The following LRRC4C variants were observed in gnomAD, a reference collection of about 807,000 sequenced individuals.
LRRC4C encodes the protein leucine rich repeat containing 4C, also known as leucine-rich repeat-containing protein 4C.
A neutral mutation model predicts 33.6 loss-of-function variants in LRRC4C; 5 were observed. The observed-to-expected ratio is 0.15, with a 90% confidence interval of 0.08 to 0.31. LRRC4C has a LOEUF of 0.31. Among genes scored for constraint, LRRC4C ranks in the 10% least tolerant of loss-of-function variants. LRRC4C has a pLI of 1.00. For synonymous variants in LRRC4C, 329 were observed against 302.0 expected (o/e 1.09, Z -0.93); for missense variants, 560 against 796.7 (o/e 0.70, Z 3.58).
intron 2 of LRRC4C, among the ~76,000 whole-genome samples, chr11:40,717,358 A>G (rs1946782793): frequency 6.6e-6 from 1 of 151,972 alleles, no homozygotes; most frequent in African/African-American, 2.4e-5. Flanking sequence ...CAGAACTGGA[A>G]GTCAGTCCAA....
At chr11:41,249,162 G>A (rs1440932421) in intron 1 of LRRC4C, among the ~76,000 whole-genome samples, 2 of 151,774 alleles carry the variant, frequency 1.3e-5, no homozygotes, top group African/African-American at 4.8e-5. Context: ...AGCCTCCCGA[G>A]TACCTGGGAC....
At chr11:40,828,716 T>C (rs1035594563) in intron 2 of LRRC4C, among the ~76,000 whole-genome samples, 1 of 150,900 alleles carries the variant, frequency 6.6e-6, no homozygotes, top group African/African-American at 2.5e-5. Flanking sequence ...TCAAGCTGTT[T>C]ACCCTCTCTA....
chr11:41,236,565 A>T (rs1469853170), intron 1 of LRRC4C, among the ~76,000 whole-genome samples: 1 of 150,570 alleles, frequency 6.6e-6, no homozygotes, highest in South Asian at 2.1e-4. Context: ...TATTCCAGTC[A>T]TTATAATTGA....
intron 1 of LRRC4C, among the ~76,000 whole-genome samples, chr11:40,943,146 G>A (rs1958233960): frequency 6.6e-6 from 1 of 152,180 alleles, no homozygotes; most frequent in African/African-American, 2.4e-5. Context: ...GAGGTGATAT[G>A]TGTGAAGACT....
intron 4 of LRRC4C, among the ~76,000 whole-genome samples, chr11:40,269,522 G>C (rs1466980170): frequency 5.3e-5 from 8 of 152,030 alleles, no homozygotes; most frequent in African/African-American, 1.2e-4. Flanking sequence ...TAGGATCAAA[G>C]TCTATCTCAT....
At chr11:40,952,531 AAGCAATGCAAATGTAATATATTTC>A (rs1213069326) in intron 1 of LRRC4C, among the ~76,000 whole-genome samples, 1 of 151,956 alleles carries the variant, frequency 6.6e-6, no homozygotes, top group Non-Finnish European at 1.5e-5. Context: ...GCTATATTTG[AAGCAATGCAAATGTAATATATTTC>A]AGCAATGCAA....
intron 3 of LRRC4C, among the ~76,000 whole-genome samples, chr11:40,589,008 C>A (rs1958902927): frequency 6.6e-6 from 1 of 151,718 alleles, no homozygotes; most frequent in African/African-American, 2.4e-5. Flanking sequence ...TGGTGCAGAG[C>A]TGAGTTCAAT....
At chr11:40,503,500 A>T (rs1954879689) in intron 3 of LRRC4C, among the ~76,000 whole-genome samples, 1 of 152,188 alleles carries the variant, frequency 6.6e-6, no homozygotes, top group South Asian at 2.1e-4. Context: ...CCCTGAAGTA[A>T]TTTCACTATA....
intron 1 of LRRC4C, among the ~76,000 whole-genome samples, chr11:41,277,030 T>C (rs1949506514): frequency 2.0e-5 from 3 of 152,190 alleles, no homozygotes; most frequent in Admixed American, 2.0e-4. Flanking sequence ...CAAGAAACTA[T>C]CACAGATGTT....
intron 3 of LRRC4C, among the ~76,000 whole-genome samples, chr11:40,570,108 A>G (rs914588294): frequency 6.6e-6 from 1 of 152,088 alleles, no homozygotes; most frequent in Non-Finnish European, 1.5e-5. Context: ...GCATACATAT[A>G]AATAAATCTA....
chr11:40,324,221 A>G (rs1001391415), intron 3 of LRRC4C, among the ~76,000 whole-genome samples: 1 of 152,250 alleles, frequency 6.6e-6, no homozygotes, highest in South Asian at 2.1e-4. Context: ...AAAATCATGC[A>G]GATGCAGAAG....
intron 1 of LRRC4C, among the ~76,000 whole-genome samples, chr11:41,406,619 G>A (rs899367418): frequency 6.6e-6 from 1 of 151,058 alleles, no homozygotes; most frequent in Non-Finnish European, 1.5e-5. Context: ...GAAGAGTCCA[G>A]CCATCTCATA....
chr11:41,430,339 A>G (rs1158684489), intron 1 of LRRC4C, among the ~76,000 whole-genome samples: 1 of 152,130 alleles, frequency 6.6e-6, no homozygotes, highest in Non-Finnish European at 1.5e-5. Context: ...TGAAAATACT[A>G]TGCTTCTCCT....
intron 2 of LRRC4C, among the ~76,000 whole-genome samples, chr11:40,786,231 A>T (rs1950407017): frequency 6.6e-6 from 1 of 152,140 alleles, no homozygotes; most frequent in Non-Finnish European, 1.5e-5. Context: ...GCATGGCCTC[A>T]TGATGTGCAG....
At chr11:40,961,740 G>A (rs1850992581) in intron 1 of LRRC4C, among the ~76,000 whole-genome samples, 1 of 151,436 alleles carries the variant, frequency 6.6e-6, no homozygotes, top group African/African-American at 2.4e-5. Context: ...TTCTCTCAGG[G>A]TTTCTCCTTA....
intron 2 of LRRC4C, among the ~76,000 whole-genome samples, chr11:40,739,010 T>C (rs11036054): frequency 0.062 from 5,225 of 83,678 alleles, 302 homozygotes; most frequent in African/African-American, 0.2. Context: ...ATTGCTATTG[T>C]GTGTGTGTGT....
chr11:40,852,127 AG>A (rs1953537146), intron 2 of LRRC4C, among the ~76,000 whole-genome samples: 1 of 142,688 alleles, frequency 7.0e-6, no homozygotes, highest in Admixed American at 7.1e-5. Flanking sequence ...ATGCACTACT[AG>A]ATTTTTTTTT....
intron 2 of LRRC4C, among the ~76,000 whole-genome samples, chr11:40,931,454 T>C (rs1229931345): frequency 6.6e-6 from 1 of 152,194 alleles, no homozygotes; most frequent in Non-Finnish European, 1.5e-5. Context: ...AGAGTCTTAC[T>C]ATTTAACTCA....
At chr11:40,281,223 A>T (rs754553574) in intron 4 of LRRC4C, among the ~76,000 whole-genome samples, 1 of 151,420 alleles carries the variant, frequency 6.6e-6, no homozygotes, top group African/African-American at 2.4e-5. Flanking sequence ...TGTAGATGTT[A>T]ACTCTTTTAG....
Sources: allele counts gnomAD v4.1 joint callset (sites outside exome capture counted in the v4.1 genomes callset), GRCh38; gene constraint gnomAD v4.1.1; transcripts MANE v1.5; gene names NCBI Gene and HGNC (gene_info 2026-07-23, HGNC 2026-07-21).